The following NRF1 variants were observed in gnomAD, a reference collection of about 807,000 sequenced individuals.
NRF1 encodes the protein nuclear respiratory factor 1, also known as alpha palindromic-binding protein.
NRF1 carries 5 observed loss-of-function variants against 58.5 expected under a neutral mutation model. The ratio of observed to expected loss-of-function variants is 0.09; its 90% CI spans 0.04 to 0.18. The LOEUF is 0.18. Among genes scored for constraint, NRF1 ranks in the 10% least tolerant of loss-of-function variants. NRF1 has a pLI of 1.00. For missense variants in NRF1, 288 were observed against 657.7 expected (o/e 0.44, Z 6.15); for synonymous variants, 224 against 246.7 (o/e 0.91, Z 0.86).
rs190342277 is a variant in NRF1, at chr7:129,721,717, G to A, written c.1223+4341G>A. On this transcript the variant is annotated intron_variant, in intron 9 of 10. Transcript: ENST00000393232. The stretch of plus-strand genomic sequence containing the variant: ...AGGATGGTCTCGATCTCCTGACCTC[G>A]TGATCCACCCGCCTCAGCCTCCCAA... Among the ~76,000 whole-genome samples, 258 of 152,108 alleles carry A rather than the reference G, an allele frequency of 1.7e-3. 1 individual carries two copies. The highest frequency in any genetic ancestry group is 5.6e-3 in the African/African-American group (234 of 41,498).
intron 1 of NRF1, among the ~76,000 whole-genome samples, chr7:129,625,615 G>C (rs1034722021): frequency 5.7e-4 from 86 of 149,986 alleles, no homozygotes; most frequent in African/African-American, 1.8e-3. Context: ...GTCTTCCTGT[G>C]TTAGCCTCCT....
chr7:129,687,189 A>G (rs1057347725), intron 4 of NRF1, among the ~76,000 whole-genome samples: 1 of 152,092 alleles, frequency 6.6e-6, no homozygotes, highest in African/African-American at 2.4e-5. Flanking sequence ...TGCCATCATG[A>G]AAACAGGCAA....
At chr7:129,629,364 C>T (rs892776402) in intron 1 of NRF1, among the ~76,000 whole-genome samples, 14 of 151,432 alleles carry the variant, frequency 9.2e-5, no homozygotes, top group African/African-American at 2.2e-4. Flanking sequence ...CTGCAACCTC[C>T]GCCTCCCGGG....
rs1259715355 is a variant in NRF1 at position 129,667,227 on chromosome 7, CTTCTCA to C, written c.224-4195_224-4190del. On this transcript the variant is annotated intron_variant, in intron 2 of 10. Transcript: ENST00000393232. ...AAGCAGTATGCTGTAGCGCCTGTTA[CTTCTCA>C]TTCTCACCATCGGTGTTACCAGTCT... Among the ~76,000 whole-genome samples, 4 of 152,290 alleles carry C rather than the reference CTTCTCA, an allele frequency of 2.6e-5. No homozygotes were observed. In the East Asian group the frequency reaches 7.7e-4, roughly 29 times the overall value.
At chr7:129,687,618 A>G (rs1404083068) in intron 4 of NRF1, among the ~76,000 whole-genome samples, 1 of 152,198 alleles carries the variant, frequency 6.6e-6, no homozygotes, top group Non-Finnish European at 1.5e-5. Flanking sequence ...GGAAGGTAGT[A>G]GACAACAGCC....
chr7:129,681,568 T>C (rs1320048788), intron 4 of NRF1, among the ~76,000 whole-genome samples: 2 of 152,050 alleles, frequency 1.3e-5, no homozygotes, highest in Non-Finnish European at 2.9e-5. Context: ...ATAAGAAGTA[T>C]TTATTTATTA....
At chr7:129,618,970 G>T (rs1175879671) in intron 1 of NRF1, among the ~76,000 whole-genome samples, 1 of 152,010 alleles carries the variant, frequency 6.6e-6, no homozygotes, top group Non-Finnish European at 1.5e-5. Context: ...GGTCAGGTGT[G>T]GAATTTTCCA....
chr7:129,641,011 G>A (rs1472885638), intron 1 of NRF1, among the ~76,000 whole-genome samples: 1 of 151,806 alleles, frequency 6.6e-6, no homozygotes, highest in Non-Finnish European at 1.5e-5. Context: ...CAGAGCCGTG[G>A]AGACCTTATG....
chr7:129,657,709 A>G, intron 2 of NRF1, 135 bp downstream of exon 2: 1 of 622,588 alleles, frequency 1.6e-6, no homozygotes. Context: ...TTCCGGGTTC[A>G]AGTGATTCTC....
intron 10 of NRF1, among the ~76,000 whole-genome samples, chr7:129,731,958 C>A (rs541644652): frequency 6.6e-6 from 1 of 152,204 alleles, no homozygotes; most frequent in African/African-American, 2.4e-5. Context: ...CTCTTTTCAT[C>A]TTATACACCT....
chr7:129,750,322 C>A (rs951664258), intron 10 of NRF1, among the ~76,000 whole-genome samples: 11 of 152,210 alleles, frequency 7.2e-5, no homozygotes, highest in Non-Finnish European at 1.5e-4. Context: ...AGCATTTAAT[C>A]ATCTCTCTTC....
intron 1 of NRF1, among the ~76,000 whole-genome samples, chr7:129,637,039 G>A (rs1480614769): frequency 7.2e-5 from 11 of 152,084 alleles, no homozygotes; most frequent in Admixed American, 7.2e-4. Context: ...GGGCTTAACA[G>A]GAGAGTAATC....
chr7:129,655,010 T>C (rs947540067), intron 1 of NRF1, among the ~76,000 whole-genome samples: 10 of 152,240 alleles, frequency 6.6e-5, no homozygotes, highest in Admixed American at 1.3e-4. Flanking sequence ...GGGATTTTGA[T>C]TGGGACAATG....
At chr7:129,661,131 G>A (rs1801770979) in intron 2 of NRF1, among the ~76,000 whole-genome samples, 2 of 151,318 alleles carry the variant, frequency 1.3e-5, no homozygotes, top group African/African-American at 4.9e-5. Context: ...TTCAGCCACA[G>A]CTGGAGCAGC....
chr7:129,670,329 A>C (rs1377211908), intron 2 of NRF1, among the ~76,000 whole-genome samples: 1 of 152,236 alleles, frequency 6.6e-6, no homozygotes, highest in Non-Finnish European at 1.5e-5. Context: ...AAGTGTTCTT[A>C]CCACAATTTT....
At chr7:129,676,135 A>G (rs946055321) in intron 3 of NRF1, among the ~76,000 whole-genome samples, 9 of 152,346 alleles carry the variant, frequency 5.9e-5, no homozygotes, top group East Asian at 1.9e-4. Flanking sequence ...GCTTTGGCCT[A>G]TGAGAATGTT....
Position 129,619,447 on chromosome 7 carries a change from C to CACACAT in NRF1, c.-7+7624_-7+7625insCACATA, listed in dbSNP as rs1554401493. 6.2e-5 allele frequency among the ~76,000 whole-genome samples: 5 copies of CACACAT among 80,396 alleles called. No individual in the cohort carries two copies. The South Asian group carries it at 1.9e-3, about 30-fold the overall frequency. The allele number at this position is 80,396 out of a possible 152,430, so 52.7% of individuals were successfully genotyped here. Reference sequence around the variant, plus strand: ...ATATATATATATACACACACACACACATATATATACACGTGTGTGTGTGTG... The same window carrying CACACAT: ...ATATATATATATACACACACACACACACACATATATATATACACGTGTGTGTGTGTG... On this transcript the variant is annotated intron_variant, in intron 1 of 10. Coordinates refer to ENST00000393232, the MANE Select transcript of NRF1 (RefSeq NM_005011.5).
At chr7:129,682,360 G>T (rs904988644) in intron 4 of NRF1, among the ~76,000 whole-genome samples, 15 of 151,644 alleles carry the variant, frequency 9.9e-5, no homozygotes, top group African/African-American at 3.2e-4. Context: ...TTGGGAGGCT[G>T]AGATGTGAAG....
At chr7:129,737,443 C>T (rs576683543) in intron 10 of NRF1, among the ~76,000 whole-genome samples, 1 of 152,230 alleles carries the variant, frequency 6.6e-6, no homozygotes, top group South Asian at 2.1e-4. Context: ...GTAGCTTTTG[C>T]CATTTTTTCC....
Sources: gnomAD v4.1 joint callset for allele counts (sites outside exome capture counted in the v4.1 genomes callset) on GRCh38, gnomAD v4.1.1 for gene constraint, MANE v1.5 for transcripts, NCBI Gene and HGNC (gene_info 2026-07-23, HGNC 2026-07-21) for gene names.